GAREM2: variants seen among roughly 807,000 people sequenced by gnomAD.
The protein encoded by GAREM2 is GRB2-associated and regulator of MAPK protein 2.
In GAREM2, 30 loss-of-function variants were observed where a neutral mutation model predicts 55.6. That is an observed-to-expected ratio of 0.54 (90% CI 0.40 to 0.73). The LOEUF (loss-of-function observed/expected upper bound fraction) is 0.73, where lower values mean the gene tolerates loss of function less well. GAREM2 is among the 30% of genes least tolerant of loss of function. The pLI is 0.00. For missense variants in GAREM2, 1,075 were observed against 1,257.7 expected, an observed-to-expected ratio of 0.85 and a Z score of 2.20; for synonymous variants, 550 against 569.1, an observed-to-expected ratio of 0.97 and a Z score of 0.48.
Position 26,188,099 on chromosome 2 carries a change from C to T in GAREM2, c.2467C>T (p.Leu823Phe). 1 of 1,550,854 alleles carries T rather than the reference C, an allele frequency of 6.4e-7. No homozygotes were observed. Among genetic ancestry groups the T allele is most frequent in the South Asian group, 1.2e-5 (1 of 83,802 alleles). ...EVSRSLRFIG[L>F]SEDVVSFFAR... is the part of the protein sequence containing the mutation. The stretch of plus-strand genomic sequence containing the variant: ...CTCTCGCAGTCTGCGTTTCATCGGG[C>T]TCTCAGAGGATGTGGTGAGCTTCTT... Residue 823 changes from leucine (L) to phenylalanine (F), a missense_variant, in exon 6 of 6, where the codon CTC becomes TTC. Physicochemically the swap from Leu to Phe is conservative, Grantham distance 22. This residue lies in a region of GAREM2 where 142 missense variants were observed against 172.3 expected (regional missense o/e 0.82). Transcript: ENST00000401533.
chr2:26,182,050 T>C (rs998873492), intron 2 of GAREM2: 22 of 1,015,118 alleles, frequency 2.2e-5, no homozygotes, highest in East Asian at 9.6e-5. Flanking sequence ...CATGGCTCTC[T>C]TCCTACTGTA....
chr2:26,197,286 C>T, the GAREM2 span, among the ~76,000 whole-genome samples: 8 of 152,176 alleles, frequency 5.3e-5, no homozygotes, highest in African/African-American at 1.9e-4. Flanking sequence ...AGCAAACCCA[C>T]GGGCAGACAC....
intron 2 of GAREM2, chr2:26,182,251 A>G: frequency 7.0e-7 from 1 of 1,421,888 alleles, no homozygotes; most frequent in East Asian, 2.5e-5. Context: ...GAGCTTGGCA[A>G]AGCACGCAGC....
At position 26,181,965 on chromosome 2, in the gene GAREM2, A is replaced by G. The variant is rs148946831; in HGVS notation, c.254-1002A>G. 11 of 985,886 alleles carry G rather than the reference A, an allele frequency of 1.1e-5. No individual in the cohort carries two copies. The East Asian group carries it at 1.2e-3, about 111-fold the overall frequency. The allele number at this position is 985,886 out of a possible 1,614,324, so 61.1% of individuals were successfully genotyped here. ...CTGTACTCCAGCCTGGGCGACAGCA[A>G]GACCCTGTCTCAAAAAAAACACCCA... is the stretch of plus-strand genomic sequence containing the variant. On this transcript the variant is annotated intron_variant, in intron 2 of 5. Transcript: ENST00000401533.
downstream of GAREM2, chr2:26,191,096 T>G: frequency 1.4e-6 from 1 of 724,044 alleles, no homozygotes; most frequent in Admixed American, 2.1e-5. Context: ...GAGGGAGAGA[T>G]GGTCTTGGCT....
chr2:26,184,989 T>C lies in GAREM2; in HGVS notation c.1141T>C (p.Cys381Arg), dbSNP rs1669187581. ...DCASPRRARL[C>R]LPAPRAPGLA... The stretch of plus-strand genomic sequence containing the variant: ...CGCCAGCCCGCGCCGCGCGCGCCTC[T>C]GCCTGCCCGCGCCGCGCGCCCCCGG... Residue 381 changes from cysteine (C) to arginine (R), a missense_variant, in exon 4 of 6, where the codon TGC becomes CGC. Cys to Arg is a radical substitution (Grantham distance 180). Coordinates refer to ENST00000401533, the MANE Select transcript of GAREM2 (RefSeq NM_001168241.2). The C allele has an allele frequency of 4.3e-6, 5 of 1,152,514 alleles. No homozygotes were observed. The highest frequency in any genetic ancestry group is 1.6e-5 in the African/African-American group (1 of 61,118). 71.4% of individuals were successfully genotyped at this position (1,152,514 alleles called of 1,614,324 possible). A position where few individuals can be genotyped will look rare whatever the true frequency, so the allele number is the denominator to read the frequency against.
the GAREM2 span, among the ~76,000 whole-genome samples, chr2:26,196,453 G>A: frequency 1.3e-5 from 2 of 152,136 alleles, no homozygotes; most frequent in Non-Finnish European, 2.9e-5. Context: ...ACATCAATGA[G>A]TTTTGACAAC....
downstream of GAREM2, chr2:26,192,497 C>G (rs1031026771): frequency 1.1e-6 from 1 of 889,658 alleles, no homozygotes; most frequent in Non-Finnish European, 1.9e-6. Flanking sequence ...TTCTCAGAAC[C>G]CTGGCCTGGC....
In GAREM2 at chr2:26,184,805, G is replaced by A. The variant is rs768784560; in HGVS notation, c.957G>A (p.Thr319=). Residue 319 remains threonine (T), a synonymous_variant, in exon 4 of 6, where the codon ACG becomes ACA. Coordinates refer to ENST00000401533, the MANE Select transcript of GAREM2 (RefSeq NM_001168241.2). ...CGCCGCTGCACTTCCTGCTGCTCAC[G>A]GACACGCCGCGCTTCGCGCTGCCGC... The part of the protein sequence containing the change: ...GPAPLHFLLL[T]DTPRFALPQG... 1.3e-6 allele frequency: 2 copies of A among 1,492,024 alleles called. No individual in the cohort carries two copies. Among genetic ancestry groups the A allele is most frequent in the Admixed American group, 4.5e-5 (2 of 44,430 alleles). 92.4% of individuals were successfully genotyped at this position (1,492,024 alleles called of 1,614,324 possible).
intron 1 of GAREM2, among the ~76,000 whole-genome samples, chr2:26,175,993 C>G (rs1668852309): frequency 6.6e-6 from 1 of 152,214 alleles, no homozygotes; most frequent in Non-Finnish European, 1.5e-5. Context: ...CATCTCTGCC[C>G]ACCTCCCCAG....
Position 26,184,220 on chromosome 2 carries a change from CTG to C in GAREM2, c.385-12_385-11del. 1 of 1,549,122 alleles carries C rather than the reference CTG, an allele frequency of 6.5e-7. No homozygotes were observed. Among genetic ancestry groups the C allele is most frequent in the Non-Finnish European group, 8.7e-7 (1 of 1,145,490 alleles). On this transcript the variant is annotated splice_polypyrimidine_tract_variant and intron_variant, in intron 3 of 5. Transcript: ENST00000401533. ...ACCTGGCTAAGGCCCTGCCCTGTCT[CTG>C]GGATCCCCAGGTGGTGTCGGGCGAG... is the stretch of plus-strand genomic sequence containing the variant.
At position 26,185,159 on chromosome 2, in the gene GAREM2, G is replaced by C; in HGVS notation, c.1311G>C (p.Gly437=). Residue 437 remains glycine, a synonymous_variant, in exon 4 of 6, where the codon GGG becomes GGC. Transcript: ENST00000401533. ...ACGAGGAGTTGTGGGCGCACCAGGG[G>C]CCCGAGGGCCTCGTCCGGCCGCCCC... ...IPYEELWAHQ[G]PEGLVRPPPG... 1 of 1,505,008 alleles carries C rather than the reference G, an allele frequency of 6.6e-7. No individual in the cohort carries two copies. The highest frequency in any genetic ancestry group is 8.8e-7 in the Non-Finnish European group (1 of 1,134,320). The allele number at this position is 1,505,008 out of a possible 1,614,324, so 93.2% of individuals were successfully genotyped here. A position where few individuals can be genotyped will look rare whatever the true frequency, so the allele number is the denominator to read the frequency against.
intron 1 of GAREM2, among the ~76,000 whole-genome samples, chr2:26,174,074 AGCC>A (rs2147716943): frequency 6.6e-6 from 1 of 151,636 alleles, no homozygotes; most frequent in South Asian, 2.1e-4. Context: ...GATGGGCGGT[AGCC>A]GGGGCTGGCA....
intron 2 of GAREM2, chr2:26,182,028 C>T: frequency 2.0e-6 from 2 of 999,090 alleles, no homozygotes; most frequent in Non-Finnish European, 2.4e-6. Context: ...TCGACTTGTT[C>T]CCTCACCTAT....
intron 2 of GAREM2, chr2:26,182,319 T>G: frequency 6.8e-7 from 1 of 1,469,274 alleles, no homozygotes; most frequent in Non-Finnish European, 9.0e-7. Context: ...TGGGTTCAGG[T>G]CAGAGCCTCT....
rs1349364873 is a variant in GAREM2 at position 26,187,967 on chromosome 2, G to A, written c.2335G>A (p.Glu779Lys). 1 of 1,456,460 alleles carries A rather than the reference G, an allele frequency of 6.9e-7. No homozygotes were observed. Among genetic ancestry groups the A allele is most frequent in the Non-Finnish European group, 9.1e-7 (1 of 1,099,694 alleles). The allele number at this position is 1,456,460 out of a possible 1,614,324, so 90.2% of individuals were successfully genotyped here. ...GALFLTQGRLEGPPASPRDGA... is the reference protein window; with the variant it reads ...GALFLTQGRLKGPPASPRDGA... ...ACTTTTTCTAACCCAAGGGCGCCTG[G>A]AAGGGCCTCCTGCCAGTCCCCGGGA... Residue 779 changes from glutamate (E) to lysine (K), a missense_variant, in exon 6 of 6, where the codon GAA becomes AAA. Physicochemically the swap from Glu to Lys is moderately conservative, Grantham distance 56. Transcript: ENST00000401533.
downstream of GAREM2, chr2:26,190,555 G>A (rs13390202): frequency 0.036 from 5,547 of 154,554 alleles, 329 homozygotes; most frequent in African/African-American, 0.13. Context: ...TAGCACCAAC[G>A]TTCCCACAAC....
rs1347069987 is a variant in GAREM2, at chr2:26,188,197, C to T, written c.2565C>T (p.Leu855=). 3 of 1,534,214 alleles carry T rather than the reference C, an allele frequency of 2.0e-6. No homozygotes were observed. The highest frequency in any genetic ancestry group is 1.2e-5 in the South Asian group (1 of 81,654). Residue 855 remains leucine, a synonymous_variant, in exon 6 of 6, where the codon CTC becomes CTT. Transcript: ENST00000401533. ...ACATCCTGGCAGATGACTTCCACCT[C>T]ACCAAGCTGCAGGTCAAGAAGATCA... is the stretch of plus-strand genomic sequence containing the variant. ...SEDILADDFH[L]TKLQVKKIMQ...
chr2:26,179,022 G>T lies in GAREM2; in HGVS notation c.253+2538G>T, dbSNP rs1668957707. Among the ~76,000 whole-genome samples the T allele has an allele frequency of 1.3e-5, 2 of 152,242 alleles. No individual in the cohort carries two copies. Among genetic ancestry groups the T allele is most frequent in the South Asian group, 2.1e-4 (1 of 4,832 alleles). ...AATAATGGCGCTCGGGCGGGCGGGG[G>T]TGGCCGGCTGCGGACCGCGGAGAGA... On this transcript the variant is annotated intron_variant, in intron 2 of 5. Transcript: ENST00000401533. The surrounding 1 kb of genome is among the most constrained non-coding windows in gnomAD (Gnocchi z 4.7).
Sources: gnomAD v4.1 joint callset for allele counts (sites outside exome capture counted in the v4.1 genomes callset) on GRCh38, gnomAD v4.1.1 for gene constraint, gnomAD v4.1.1 regional missense constraint, Gnocchi (gnomAD v3.1) non-coding constraint, MANE v1.5 for transcripts, NCBI Gene and HGNC (gene_info 2026-07-23, HGNC 2026-07-21) for gene names.